The following CD86 variants were observed in gnomAD, a reference collection of about 807,000 sequenced individuals.
CD86 encodes the protein T-lymphocyte activation antigen CD86.
A neutral mutation model predicts 32.1 loss-of-function variants in CD86; 11 were observed. That is an observed-to-expected ratio of 0.34 (90% CI 0.22 to 0.57). The LOEUF is 0.57. Among genes scored for constraint, CD86 ranks in the 20% least tolerant of loss-of-function variants. CD86 has a pLI of 0.86. For missense variants in CD86, 359 were observed against 398.4 expected, an observed-to-expected ratio of 0.90 and a Z score of 0.84; for synonymous variants, 137 against 135.3, an observed-to-expected ratio of 1.01 and a Z score of -0.09.
intron 2 of CD86, among the ~76,000 whole-genome samples, chr3:122,101,507 A>AT (rs1166770159): frequency 5.9e-4 from 47 of 79,750 alleles, no homozygotes; most frequent in East Asian, 3.5e-3. Context: ...AAAAAAAAAA[A>AT]AAAAAAATAT....
At chr3:122,060,846 T>G (rs1447195324) in intron 1 of CD86, among the ~76,000 whole-genome samples, 1 of 152,116 alleles carries the variant, frequency 6.6e-6, no homozygotes, top group Non-Finnish European at 1.5e-5. Context: ...GTAAAGCCTC[T>G]GGTGAATCTG....
intron 1 of CD86, among the ~76,000 whole-genome samples, chr3:122,090,155 C>T (rs2072790347): frequency 6.6e-6 from 1 of 151,890 alleles, no homozygotes; most frequent in Admixed American, 6.6e-5. Flanking sequence ...AATTTAGTAC[C>T]ATCTACATTT....
chr3:122,112,364 T>G (rs2107547307), intron 5 of CD86, among the ~76,000 whole-genome samples: 1 of 152,224 alleles, frequency 6.6e-6, no homozygotes, highest in East Asian at 1.9e-4. Flanking sequence ...GTCACCAGGC[T>G]GGAGTGCAGT....
At chr3:122,081,142 G>A (rs1296316809) in intron 1 of CD86, among the ~76,000 whole-genome samples, 1 of 152,044 alleles carries the variant, frequency 6.6e-6, no homozygotes, top group Non-Finnish European at 1.5e-5. Context: ...TGCCCTATTA[G>A]GCTATCTTGC....
In CD86 at chr3:122,055,462, AT is replaced by A; in HGVS notation, c.-27del. 1 of 1,612,394 alleles carries A rather than the reference AT, an allele frequency of 6.2e-7. No homozygotes were observed. Among genetic ancestry groups the A allele is most frequent in the Non-Finnish European group, 8.5e-7 (1 of 1,178,366 alleles). ...CACGGATGAGTGGGGTCATTTCCAG[AT>A]ATTAGGTCACAGCAGAAGCAGCCAA... On this transcript the variant is annotated 5_prime_UTR_variant, in exon 1 of 7. An upstream open reading frame in the 5' UTR loses its in-frame stop. Transcript: ENST00000330540.
At chr3:122,068,544 T>C (rs2072445802) in intron 1 of CD86, among the ~76,000 whole-genome samples, 1 of 152,236 alleles carries the variant, frequency 6.6e-6, no homozygotes, top group South Asian at 2.1e-4. Context: ...CACAGTCTTT[T>C]GAATATTGGT....
At chr3:122,057,664 G>A (rs2072258347) in intron 1 of CD86, among the ~76,000 whole-genome samples, 1 of 152,156 alleles carries the variant, frequency 6.6e-6, no homozygotes. Flanking sequence ...ATCTAGTGAT[G>A]TGTGATAATT....
chr3:122,091,787 A>C, intron 2 of CD86, 137 bp downstream of exon 2: 2 of 706,592 alleles, frequency 2.8e-6, no homozygotes, highest in South Asian at 3.5e-5. Flanking sequence ...CATGCAAAAA[A>C]GACTTTCCTG....
At chr3:122,071,537 T>C (rs1224703868) in intron 1 of CD86, among the ~76,000 whole-genome samples, 2 of 152,170 alleles carry the variant, frequency 1.3e-5, no homozygotes, top group African/African-American at 4.8e-5. Context: ...GGCATCTTAG[T>C]TGCTAATTAT....
At chr3:122,085,761 G>A (rs1028056251) in intron 1 of CD86, among the ~76,000 whole-genome samples, 2 of 152,116 alleles carry the variant, frequency 1.3e-5, no homozygotes, top group Non-Finnish European at 2.9e-5. Flanking sequence ...GCTCTGAGAA[G>A]TAACGCTGTG....
chr3:122,117,962 C>T (rs2073279522), intron 5 of CD86, 86 bp from the exon 6 acceptor site: 5 of 1,104,628 alleles, frequency 4.5e-6, no homozygotes, highest in Non-Finnish European at 6.8e-6. Context: ...TCTCTCAGTC[C>T]CAGAACTTTG....
intron 4 of CD86, among the ~76,000 whole-genome samples, 176 bp from the exon 5 acceptor site, chr3:122,109,089 G>A (rs2073134528): frequency 1.3e-5 from 2 of 152,176 alleles, no homozygotes; most frequent in African/African-American, 4.8e-5. Context: ...CGATTCTTAG[G>A]TCGCTGCTGA....
intron 1 of CD86, among the ~76,000 whole-genome samples, chr3:122,066,426 T>C (rs531754306): frequency 6.6e-6 from 1 of 152,088 alleles, no homozygotes; most frequent in Non-Finnish European, 1.5e-5. Flanking sequence ...GACACTGACA[T>C]CTCTCCAGCA....
At position 122,077,678 on chromosome 3, in the gene CD86, A is replaced by G. The variant is rs1915088; in HGVS notation, c.15-13923A>G. The stretch of plus-strand genomic sequence containing the variant: ...ATCTGTCAGGGAAGGTGTCTTTGTC[A>G]TGTTTGTGGATGGGGCTCCCTTTGG... On this transcript the variant is annotated intron_variant, in intron 1 of 6. Transcript: ENST00000330540. 1,152 of 697,830 alleles carry G rather than the reference A, an allele frequency of 1.7e-3. 4 individuals are homozygous for G. The highest frequency in any genetic ancestry group is 5.5e-3 in the Admixed American group (88 of 15,902). The allele number at this position is 697,830 out of a possible 1,614,324, so 43.2% of individuals were successfully genotyped here.
intron 1 of CD86, among the ~76,000 whole-genome samples, chr3:122,058,662 G>A (rs1266130199): frequency 6.6e-6 from 1 of 152,128 alleles, no homozygotes; most frequent in Non-Finnish European, 1.5e-5. Flanking sequence ...GCCAGAACAA[G>A]GAGCCCACAG....
At chr3:122,061,665 T>C (rs374023668) in intron 1 of CD86, among the ~76,000 whole-genome samples, 25 of 152,302 alleles carry the variant, frequency 1.6e-4, no homozygotes, top group African/African-American at 5.3e-4. Flanking sequence ...TAAAAATGGT[T>C]AAAATAATAA....
chr3:122,102,952 C>T (rs184730465), intron 2 of CD86, among the ~76,000 whole-genome samples: 306 of 152,164 alleles, frequency 2.0e-3, no homozygotes, highest in Non-Finnish European at 3.6e-3. Flanking sequence ...TGTTACTCAA[C>T]GTGATTCCCC....
At chr3:122,070,622 G>A (rs2072476244) in intron 1 of CD86, among the ~76,000 whole-genome samples, 1 of 152,122 alleles carries the variant, frequency 6.6e-6, no homozygotes, top group Non-Finnish European at 1.5e-5. Flanking sequence ...ACATGGAACT[G>A]AAAGCTATTT....
At chr3:122,104,859 C>T (rs1324072052) in intron 3 of CD86, among the ~76,000 whole-genome samples, 2 of 152,072 alleles carry the variant, frequency 1.3e-5, no homozygotes, top group African/African-American at 2.4e-5. Flanking sequence ...GTTTGGGGCT[C>T]TTATGAATAA....
Sources: allele counts gnomAD v4.1 joint callset (sites outside exome capture counted in the v4.1 genomes callset), GRCh38; gene constraint gnomAD v4.1.1; transcripts MANE v1.5; gene names NCBI Gene and HGNC (gene_info 2026-07-23, HGNC 2026-07-21).